CSMD1: variants seen among roughly 807,000 people sequenced by gnomAD.
CSMD1 encodes the protein CUB and Sushi multiple domains 1.
In CSMD1, 213 loss-of-function variants were observed where a neutral mutation model predicts 417.5. The ratio of observed to expected loss-of-function variants is 0.51; its 90% CI spans 0.46 to 0.57. The LOEUF (loss-of-function observed/expected upper bound fraction) is 0.57, where lower values mean the gene tolerates loss of function less well. Among genes scored for constraint, CSMD1 ranks in the 20% least tolerant of loss-of-function variants. CSMD1 has a pLI of 0.00. For synonymous variants in CSMD1, 2,862 were observed against 1,736.8 expected (o/e 1.65, Z -16.11); for missense variants, 6,923 against 4,529.7 (o/e 1.53, Z -15.17).
intron 18 of CSMD1, among the ~76,000 whole-genome samples, chr8:3,380,834 T>G (rs1348999455): frequency 6.6e-6 from 1 of 151,746 alleles, no homozygotes; most frequent in Non-Finnish European, 1.5e-5. Context: ...GGCGTGTGTA[T>G]ACCTATGTAA....
intron 1 of CSMD1, among the ~76,000 whole-genome samples, chr8:4,661,275 C>G (rs1345730512): frequency 6.6e-6 from 1 of 152,162 alleles, no homozygotes; most frequent in Non-Finnish European, 1.5e-5. Flanking sequence ...TCTAATACCA[C>G]TCAGCAATAA....
intron 5 of CSMD1, among the ~76,000 whole-genome samples, chr8:3,804,831 T>A (rs1293034947): frequency 6.6e-6 from 1 of 152,182 alleles, no homozygotes; most frequent in Non-Finnish European, 1.5e-5. Flanking sequence ...GTACAACACA[T>A]CATAAAGAAA....
At chr8:4,552,448 G>A (rs567482688) in intron 2 of CSMD1, among the ~76,000 whole-genome samples, 1 of 152,188 alleles carries the variant, frequency 6.6e-6, no homozygotes, top group East Asian at 1.9e-4. Context: ...CAATGTGAAG[G>A]TGTAGAAATA....
chr8:4,286,848 G>C (rs954962862), intron 3 of CSMD1, among the ~76,000 whole-genome samples: 5 of 152,186 alleles, frequency 3.3e-5, no homozygotes, highest in African/African-American at 7.2e-5. Flanking sequence ...TTGTTATTAG[G>C]AGATGTGCAC....
chr8:4,444,386 C>G lies in CSMD1; in HGVS notation c.303-24321G>C, dbSNP rs1034030608. On this transcript the variant is annotated intron_variant, in intron 2 of 69. Coordinates refer to ENST00000635120, the MANE Select transcript of CSMD1 (RefSeq NM_033225.6). Reference sequence around the variant, plus strand: ...AAAAAAAAAAAAAAAAGCAGAGGTTCTTGGAGTAGGTCATGCTGAATGTGG... The same window carrying G: ...AAAAAAAAAAAAAAAAGCAGAGGTTGTTGGAGTAGGTCATGCTGAATGTGG... Among the ~76,000 whole-genome samples, 18 of 118,814 alleles carry G rather than the reference C, an allele frequency of 1.5e-4. No homozygotes were observed. In the East Asian group the frequency reaches 3.5e-3, roughly 23 times the overall value. The allele number at this position is 118,814 out of a possible 152,430, so 77.9% of individuals were successfully genotyped here.
intron 1 of CSMD1, among the ~76,000 whole-genome samples, chr8:4,705,550 C>T (rs182090512): frequency 2.4e-4 from 36 of 152,270 alleles, no homozygotes; most frequent in Non-Finnish European, 4.3e-4. Context: ...GATTCTACTA[C>T]GGCATATTTC....
At chr8:3,904,560 C>G in intron 5 of CSMD1, among the ~76,000 whole-genome samples, 1 of 151,916 alleles carries the variant, frequency 6.6e-6, no homozygotes, top group East Asian at 1.9e-4. Flanking sequence ...GTGAAACACA[C>G]TTTGGAGAGT....
At chr8:3,599,124 G>A (rs564400068) in intron 8 of CSMD1, among the ~76,000 whole-genome samples, 1 of 126,118 alleles carries the variant, frequency 7.9e-6, no homozygotes, top group African/African-American at 3.5e-5. Flanking sequence ...ATTGCTTACT[G>A]CTGTGTGTGT....
At chr8:3,970,440 G>A (rs78205769) in intron 5 of CSMD1, among the ~76,000 whole-genome samples, 9 of 152,114 alleles carry the variant, frequency 5.9e-5, no homozygotes, top group African/African-American at 1.7e-4. Context: ...CCCAGGACAT[G>A]GCCATGAGAA....
intron 3 of CSMD1, among the ~76,000 whole-genome samples, chr8:4,317,686 C>T (rs1335828040): frequency 6.6e-6 from 1 of 151,978 alleles, no homozygotes; most frequent in African/African-American, 2.4e-5. Flanking sequence ...TCTTTATAGA[C>T]TTAGAAGTGA....
intron 1 of CSMD1, among the ~76,000 whole-genome samples, chr8:4,644,329 G>C (rs1803381052): frequency 6.6e-6 from 1 of 152,110 alleles, no homozygotes; most frequent in East Asian, 1.9e-4. Context: ...GCCTCATGCA[G>C]GTCTCACTCA....
intron 3 of CSMD1, among the ~76,000 whole-genome samples, chr8:4,231,701 G>C (rs1356356608): frequency 6.6e-6 from 1 of 152,118 alleles, no homozygotes. Context: ...CAGTTAATAA[G>C]CCAAGTCTTA....
At chr8:3,305,778 C>T (rs1205828900) in intron 25 of CSMD1, among the ~76,000 whole-genome samples, 1 of 152,188 alleles carries the variant, frequency 6.6e-6, no homozygotes, top group Non-Finnish European at 1.5e-5. Context: ...CTCCTGGGTT[C>T]ACACCATTCT....
Position 2,966,604 on chromosome 8 carries a change from A to G in CSMD1, c.9066T>C (p.Asn3022=), listed in dbSNP as rs745674706. The G allele has an allele frequency of 1.2e-6, 2 of 1,613,820 alleles. No homozygotes were observed. Among genetic ancestry groups the G allele is most frequent in the South Asian group, 2.2e-5 (2 of 91,042 alleles). The change falls in exon 58 of 70, where the codon AAT becomes AAC. Residue 3022 remains asparagine, a synonymous_variant. Coordinates refer to ENST00000635120, the MANE Select transcript of CSMD1 (RefSeq NM_033225.6). ...SGLMTRHCTA[N]GTWTGTAPDC... ...CGGGAGCAGTGCCTGTCCAGGTCCC[A>G]TTGGCTGTGCAATGCCGTGTCATGA...
intron 5 of CSMD1, among the ~76,000 whole-genome samples, chr8:3,924,620 T>A (rs1465416993): frequency 6.6e-6 from 1 of 152,198 alleles, no homozygotes; most frequent in East Asian, 1.9e-4. Context: ...ACTAATTCTA[T>A]TTTCTGATTG....
intron 1 of CSMD1, among the ~76,000 whole-genome samples, chr8:4,776,518 T>C (rs1796859877): frequency 6.6e-6 from 1 of 152,102 alleles, no homozygotes; most frequent in South Asian, 2.1e-4. Flanking sequence ...CAGGGCCCCA[T>C]AGGAATGGTG....
intron 51 of CSMD1, among the ~76,000 whole-genome samples, chr8:3,019,327 T>C (rs975133386): frequency 6.6e-6 from 1 of 152,204 alleles, no homozygotes; most frequent in South Asian, 2.1e-4. Flanking sequence ...AAATAAATTG[T>C]CTATCTCTCT....
intron 5 of CSMD1, among the ~76,000 whole-genome samples, chr8:3,786,573 A>C (rs1799467498): frequency 1.3e-5 from 2 of 152,182 alleles, no homozygotes; most frequent in African/African-American, 4.8e-5. Context: ...ACAACGGCCT[A>C]GGATGGACAG....
At chr8:4,139,565 C>A (rs1304813444) in intron 3 of CSMD1, among the ~76,000 whole-genome samples, 2 of 151,086 alleles carry the variant, frequency 1.3e-5, no homozygotes, top group Non-Finnish European at 2.9e-5. Flanking sequence ...GCATATAGCT[C>A]CCTGAGCTGC....
Sources: gnomAD v4.1 joint callset for allele counts (sites outside exome capture counted in the v4.1 genomes callset) on GRCh38, gnomAD v4.1.1 for gene constraint, MANE v1.5 for transcripts, NCBI Gene and HGNC (gene_info 2026-07-23, HGNC 2026-07-21) for gene names.